Variants in EYS observed in about 807,000 individuals in gnomAD.
EYS encodes the protein protein eyes shut homolog.
In EYS, 250 loss-of-function variants were observed where a neutral mutation model predicts 282.1. That is an observed-to-expected ratio of 0.89 (90% CI 0.80 to 0.98). The LOEUF is 0.98. Ranked by LOEUF, EYS falls within the 50% of genes least tolerant of loss-of-function variation. The pLI, the probability that EYS is intolerant of heterozygous loss-of-function variation, is 0.00. For missense variants in EYS, 4,016 were observed against 3,709.0 expected (o/e 1.08, Z -2.15); for synonymous variants, 1,355 against 1,282.9 (o/e 1.06, Z -1.20).
intron 31 of EYS, among the ~76,000 whole-genome samples, chr6:64,169,800 G>A (rs1582376078): frequency 6.6e-6 from 1 of 152,230 alleles, no homozygotes; most frequent in East Asian, 1.9e-4. Context: ...AAACATGGTA[G>A]AGAAAGGTGG....
At chr6:63,759,357 G>A (rs896881939) in intron 41 of EYS, among the ~76,000 whole-genome samples, 1 of 152,090 alleles carries the variant, frequency 6.6e-6, no homozygotes, top group African/African-American at 2.4e-5. Context: ...TGGAAGTTGT[G>A]TCTGTTTCTC....
chr6:64,106,696 T>A (rs1328032040), intron 31 of EYS, among the ~76,000 whole-genome samples: 1 of 151,958 alleles, frequency 6.6e-6, no homozygotes. Context: ...TTGGGCTTCC[T>A]GGGTTTGCGG....
chr6:65,539,610 T>C (rs944310626), intron 2 of EYS, among the ~76,000 whole-genome samples: 5 of 152,194 alleles, frequency 3.3e-5, no homozygotes, highest in South Asian at 2.1e-4. Flanking sequence ...ATGGTTCTTA[T>C]ATATATCAAA....
chr6:65,012,507 T>G (rs2150133963), intron 13 of EYS, among the ~76,000 whole-genome samples: 1 of 152,138 alleles, frequency 6.6e-6, no homozygotes, highest in Admixed American at 6.5e-5. Flanking sequence ...ACTGCTTGGG[T>G]TTTCTCAGTA....
At chr6:65,189,703 T>C (rs73741252) in intron 12 of EYS, among the ~76,000 whole-genome samples, 2,705 of 151,818 alleles carry the variant, frequency 0.018, 81 homozygotes, top group African/African-American at 0.06. Context: ...AGTTGGTTAG[T>C]TGTCATCACT....
intron 36 of EYS, among the ~76,000 whole-genome samples, chr6:63,816,221 T>G (rs1378068467): frequency 6.6e-6 from 1 of 152,216 alleles, no homozygotes; most frequent in Non-Finnish European, 1.5e-5. Flanking sequence ...GGAAAGGATC[T>G]TGTTATATCT....
At chr6:65,517,014 C>G (rs184501564) in intron 2 of EYS, among the ~76,000 whole-genome samples, 1 of 151,832 alleles carries the variant, frequency 6.6e-6, no homozygotes, top group Non-Finnish European at 1.5e-5. Flanking sequence ...GATAATAGCT[C>G]TATTATTTAT....
intron 33 of EYS, among the ~76,000 whole-genome samples, chr6:64,037,173 C>A (rs1770162924): frequency 6.6e-6 from 1 of 152,068 alleles, no homozygotes; most frequent in Admixed American, 6.6e-5. Context: ...TTTCCCAAAT[C>A]TAAAAAGACT....
chr6:64,689,687 T>A (rs1008104040), intron 22 of EYS, among the ~76,000 whole-genome samples: 2 of 152,102 alleles, frequency 1.3e-5, no homozygotes, highest in African/African-American at 4.8e-5. Context: ...CCTAGAACCA[T>A]CTGATCTTTG....
intron 30 of EYS, among the ~76,000 whole-genome samples, chr6:64,305,792 A>G (rs925232922): frequency 1.5e-4 from 23 of 152,184 alleles, no homozygotes; most frequent in Admixed American, 1.0e-3. Flanking sequence ...AAACATAGGG[A>G]AAAAGGCTCA....
chr6:64,157,193 T>A (rs1774956617), intron 31 of EYS, among the ~76,000 whole-genome samples: 1 of 152,024 alleles, frequency 6.6e-6, no homozygotes, highest in Non-Finnish European at 1.5e-5. Context: ...GATTTCCAAT[T>A]TCATCCATGT....
At chr6:63,910,839 T>C (rs551989076) in intron 35 of EYS, among the ~76,000 whole-genome samples, 15 of 152,194 alleles carry the variant, frequency 9.9e-5, no homozygotes, top group Non-Finnish European at 2.1e-4. Context: ...TCCACTATTA[T>C]TTTCTGTATT....
intron 31 of EYS, among the ~76,000 whole-genome samples, chr6:64,217,079 A>AGTT (rs1460568617): frequency 6.6e-6 from 1 of 152,226 alleles, no homozygotes; most frequent in African/African-American, 2.4e-5. Context: ...TTATATCAAA[A>AGTT]TATATGTGTT....
intron 30 of EYS, among the ~76,000 whole-genome samples, chr6:64,295,918 T>C (rs1459386885): frequency 2.6e-5 from 4 of 152,142 alleles, no homozygotes; most frequent in Non-Finnish European, 4.4e-5. Context: ...TTAACAAATA[T>C]TATTTTTAAA....
intron 5 of EYS, among the ~76,000 whole-genome samples, chr6:65,413,565 T>C (rs1767111153): frequency 6.6e-6 from 1 of 151,918 alleles, no homozygotes; most frequent in Admixed American, 6.6e-5. Flanking sequence ...ATAGGTTGTT[T>C]AAGAGCAAAG....
At chr6:64,084,272 A>AT (rs1353481285) in intron 31 of EYS, among the ~76,000 whole-genome samples, 1 of 152,004 alleles carries the variant, frequency 6.6e-6, no homozygotes, top group Admixed American at 6.6e-5. Flanking sequence ...TCTTGCTCTG[A>AT]TTTTTCAAAC....
chr6:64,991,621 C>T (rs1771066786), intron 14 of EYS, among the ~76,000 whole-genome samples: 1 of 151,590 alleles, frequency 6.6e-6, no homozygotes, highest in African/African-American at 2.4e-5. Context: ...TAACACTTCA[C>T]TAATTTATTA....
intron 22 of EYS, among the ~76,000 whole-genome samples, chr6:64,696,358 G>A (rs1350052912): frequency 6.6e-6 from 1 of 152,116 alleles, no homozygotes; most frequent in African/African-American, 2.4e-5. Context: ...CCTTTGAGAA[G>A]TATGGAACTA....
chr6:64,275,325 T>C (rs936484658), intron 30 of EYS, among the ~76,000 whole-genome samples: 7 of 152,218 alleles, frequency 4.6e-5, no homozygotes, highest in Non-Finnish European at 8.8e-5. Context: ...TGGTGGAGTA[T>C]GCATAAGTCT....
Sources: gnomAD v4.1 joint callset for allele counts (sites outside exome capture counted in the v4.1 genomes callset) on GRCh38, gnomAD v4.1.1 for gene constraint, MANE v1.5 for transcripts, NCBI Gene and HGNC (gene_info 2026-07-23, HGNC 2026-07-21) for gene names.